KCNQ1: variants seen among roughly 807,000 people sequenced by gnomAD.
KCNQ1 encodes potassium voltage-gated channel subfamily Q member 1, also known as potassium voltage-gated channel subfamily KQT member 1.
Under a neutral mutation model 72.4 loss-of-function variants are expected in KCNQ1, and 49 were observed. The observed-to-expected ratio is 0.68, with a 90% CI of 0.54 to 0.86. The LOEUF (loss-of-function observed/expected upper bound fraction) is 0.86, where lower values mean the gene tolerates loss of function less well. KCNQ1 is among the 40% of genes least tolerant of loss of function. KCNQ1 has a pLI of 0.00. For synonymous variants in KCNQ1, 450 were observed against 412.6 expected, an observed-to-expected ratio of 1.09 and a Z score of -1.10; for missense variants, 790 against 945.1, an observed-to-expected ratio of 0.84 and a Z score of 2.15.
chr11:2,839,036 G>A (rs566521804), intron 15 of KCNQ1, among the ~76,000 whole-genome samples: 4 of 111,972 alleles, frequency 3.6e-5, no homozygotes, highest in Admixed American at 3.2e-4. Context: ...AGGTGGGCAG[G>A]TGGGCAGCTG....
At chr11:2,693,511 TTC>T (rs1850623035) in intron 11 of KCNQ1, 1 of 398,560 alleles carries the variant, frequency 2.5e-6, no homozygotes, top group African/African-American at 2.1e-5. Flanking sequence ...GATCCATTTC[TTC>T]TCCTGGCTGA....
At chr11:2,569,618 G>C (rs190537339) in intron 2 of KCNQ1, among the ~76,000 whole-genome samples, 1 of 152,168 alleles carries the variant, frequency 6.6e-6, no homozygotes, top group Non-Finnish European at 1.5e-5. Context: ...TCTCACACGT[G>C]GGGGCTGGTT....
chr11:2,573,078 C>T lies in KCNQ1; in HGVS notation c.921+92C>T. On this transcript the variant is annotated intron_variant, in intron 6 of 15. Coordinates refer to ENST00000155840, the MANE Select transcript of KCNQ1 (RefSeq NM_000218.3). ...GGCACTGGTGTCTTGAGACTTCGGG[C>T]CTTGGCAGGGGCTTCTCACCTGCAC... 2.0e-6 allele frequency: 3 copies of T among 1,469,076 alleles called. No individual in the cohort carries two copies. The Admixed American group carries it at 5.9e-5, about 29-fold the overall frequency. The allele number at this position is 1,469,076 out of a possible 1,614,324, so 91.0% of individuals were successfully genotyped here. A position where few individuals can be genotyped will look rare whatever the true frequency, so the allele number is the denominator to read the frequency against.
At chr11:2,531,896 C>A (rs1342409406) in intron 2 of KCNQ1, among the ~76,000 whole-genome samples, 1 of 152,222 alleles carries the variant, frequency 6.6e-6, no homozygotes, top group Non-Finnish European at 1.5e-5. Flanking sequence ...CAGAAGCTCC[C>A]TGTGACGTTT....
intron 2 of KCNQ1, among the ~76,000 whole-genome samples, chr11:2,556,086 T>C (rs1486392936): frequency 6.6e-6 from 1 of 152,108 alleles, no homozygotes; most frequent in East Asian, 1.9e-4. Flanking sequence ...GAGGGAGTGT[T>C]CCAGGCCTCC....
At chr11:2,774,967 G>A (rs1456678608) in intron 12 of KCNQ1, among the ~76,000 whole-genome samples, 1 of 152,034 alleles carries the variant, frequency 6.6e-6, no homozygotes, top group African/African-American at 2.4e-5. Flanking sequence ...CTCGTCTCTT[G>A]GGCCTTGCAA....
intron 10 of KCNQ1, chr11:2,655,025 C>T (rs1273045991): frequency 1.8e-5 from 7 of 398,476 alleles, no homozygotes; most frequent in South Asian, 1.3e-4. Context: ...TGAAAATCAC[C>T]CAAAGACAAA....
Position 2,764,671 on chromosome 11 carries a change from A to C in KCNQ1, c.1515-4173A>C, listed in dbSNP as rs1033056872. Among the ~76,000 whole-genome samples, 1 of 152,146 alleles carries C rather than the reference A, an allele frequency of 6.6e-6. No homozygotes were observed. Among genetic ancestry groups the C allele is most frequent in the East Asian group, 1.9e-4 (1 of 5,198 alleles). On this transcript the variant is annotated intron_variant, in intron 11 of 15. Transcript: ENST00000155840. This position sits in a 1 kb window ranked among gnomAD's most constrained non-coding sequence, Gnocchi z 4.8. ...TTGCCAGAAGATCATTAAAATTCCA[A>C]ATTTAACTTATTTAATTAATATTGG... is the stretch of plus-strand genomic sequence containing the variant.
At position 2,515,780 on chromosome 11, in the gene KCNQ1, G is replaced by A. The variant is rs569901411; in HGVS notation, c.387-12148G>A. Among the ~76,000 whole-genome samples the A allele has an allele frequency of 4.6e-5, 7 of 152,150 alleles. No individual in the cohort carries two copies. The highest frequency in any genetic ancestry group is 1.0e-4 in the Non-Finnish European group (7 of 67,984). On this transcript the variant is annotated intron_variant, in intron 1 of 15. Coordinates refer to ENST00000155840, the MANE Select transcript of KCNQ1 (RefSeq NM_000218.3). The surrounding 1 kb of genome is among the most constrained non-coding windows in gnomAD (Gnocchi z 4.7). ...CCAGGGAGCCAGGCTTGGTGTGGCC[G>A]GCCCTGGGAGCACAGAGCCCCGTTC...
intron 15 of KCNQ1, among the ~76,000 whole-genome samples, chr11:2,796,370 A>G (rs1245104670): frequency 6.6e-6 from 1 of 152,184 alleles, no homozygotes; most frequent in East Asian, 1.9e-4. Context: ...ACTGAGGAGC[A>G]TGGAGGACCC....
At chr11:2,571,108 C>T (rs1030637124) in intron 3 of KCNQ1, among the ~76,000 whole-genome samples, 5 of 152,316 alleles carry the variant, frequency 3.3e-5, no homozygotes, top group Non-Finnish European at 5.9e-5. Flanking sequence ...AGGGCCCAGC[C>T]TAGGCCGGGG....
rs1848929158 is a variant in KCNQ1 at position 2,608,951 on chromosome 11, A to G, written c.1393+20097A>G. The G allele has an allele frequency of 2.5e-6, 1 of 395,932 alleles. No individual in the cohort carries two copies. 24.5% of individuals were successfully genotyped at this position (395,932 alleles called of 1,614,324 possible). On this transcript the variant is annotated intron_variant, in intron 10 of 15. Coordinates refer to ENST00000155840, the MANE Select transcript of KCNQ1 (RefSeq NM_000218.3). This position sits in a 1 kb window ranked among gnomAD's most constrained non-coding sequence, Gnocchi z 4.6. ...TTCTCCCTCTCCCTCTCTCTTACCA[A>G]TCTATCAAAGGTTTGTTAATTTCAA... is the stretch of plus-strand genomic sequence containing the variant.
At chr11:2,568,928 A>C (rs986076780) in intron 2 of KCNQ1, among the ~76,000 whole-genome samples, 2 of 152,198 alleles carry the variant, frequency 1.3e-5, no homozygotes, top group African/African-American at 4.8e-5. Flanking sequence ...TCTGTCACCC[A>C]GGCTGGAGTA....
intron 1 of KCNQ1, among the ~76,000 whole-genome samples, chr11:2,527,639 G>A (rs1385670637): frequency 6.6e-6 from 1 of 152,230 alleles, no homozygotes; most frequent in Admixed American, 6.5e-5. Flanking sequence ...CACACTGCAG[G>A]TGGTCAGCAG....
rs1383824150 is a variant in KCNQ1 at position 2,485,000 on chromosome 11, T to C, written c.386+39516T>C. Among the ~76,000 whole-genome samples, 1 of 152,156 alleles carries C rather than the reference T, an allele frequency of 6.6e-6. No homozygotes were observed. Among genetic ancestry groups the C allele is most frequent in the East Asian group, 1.9e-4 (1 of 5,178 alleles). On this transcript the variant is annotated intron_variant, in intron 1 of 15. Transcript: ENST00000155840. The surrounding 1 kb of genome is among the most constrained non-coding windows in gnomAD (Gnocchi z 5.2). Reference sequence around the variant, plus strand: ...CCATACTTGCTGATGCGTGCCCCCATGAGAAGTGACTGACCACCCAGAGCC... The same window carrying C: ...CCATACTTGCTGATGCGTGCCCCCACGAGAAGTGACTGACCACCCAGAGCC...
intron 11 of KCNQ1, among the ~76,000 whole-genome samples, chr11:2,716,032 A>G (rs1041478059): frequency 6.6e-6 from 1 of 152,166 alleles, no homozygotes; most frequent in Non-Finnish European, 1.5e-5. Context: ...TTGACCTCTC[A>G]TGCACTGAGA....
Position 2,757,734 on chromosome 11 carries a change from C to T in KCNQ1, c.1515-11110C>T, listed in dbSNP as rs182141753. Among the ~76,000 whole-genome samples the T allele has an allele frequency of 7.6e-4, 115 of 152,256 alleles. No individual in the cohort carries two copies. In the Middle Eastern group the frequency reaches 0.01, roughly 14 times the overall value. On this transcript the variant is annotated intron_variant, in intron 11 of 15. Coordinates refer to ENST00000155840, the MANE Select transcript of KCNQ1 (RefSeq NM_000218.3). ...AAGCATGTAGCTCAACAGAACAGAA[C>T]GAGGAATCCAGAAATAGACACACGC...
At position 2,477,237 on chromosome 11, in the gene KCNQ1, A is replaced by C. The variant is rs1437510624; in HGVS notation, c.386+31753A>C. On this transcript the variant is annotated intron_variant, in intron 1 of 15. Coordinates refer to ENST00000155840, the MANE Select transcript of KCNQ1 (RefSeq NM_000218.3). This position sits in a 1 kb window ranked among gnomAD's most constrained non-coding sequence, Gnocchi z 5.0. ...TGCTTGGCAAAGTGTTCAAGGCAGGATGGAGATACCGTATGGGCATTCACT... is the reference window on the plus strand; with the variant it reads ...TGCTTGGCAAAGTGTTCAAGGCAGGCTGGAGATACCGTATGGGCATTCACT... Among the ~76,000 whole-genome samples the C allele has an allele frequency of 3.3e-5, 5 of 152,218 alleles. No individual in the cohort carries two copies. The highest frequency in any genetic ancestry group is 3.3e-4 in the Admixed American group (5 of 15,280).
chr11:2,698,945 A>C lies in KCNQ1; in HGVS notation c.1514+36864A>C. The stretch of plus-strand genomic sequence containing the variant: ...ACCCTAGACCCGAATTCTGATCCCA[A>C]CTAGGATACCTAACTCAGAACCACA... On this transcript the variant is annotated intron_variant, in intron 11 of 15. Transcript: ENST00000155840. The surrounding 1 kb of genome is among the most constrained non-coding windows in gnomAD (Gnocchi z 5.1). 2.5e-6 allele frequency: 1 copy of C among 398,588 alleles called. No individual in the cohort carries two copies. Among genetic ancestry groups the C allele is most frequent in the Non-Finnish European group, 4.4e-6 (1 of 226,064 alleles). 24.7% of individuals were successfully genotyped at this position (398,588 alleles called of 1,614,324 possible).
Sources: allele counts gnomAD v4.1 joint callset (sites outside exome capture counted in the v4.1 genomes callset), GRCh38; gene constraint gnomAD v4.1.1; non-coding constraint Gnocchi (gnomAD v3.1); transcripts MANE v1.5; gene names NCBI Gene and HGNC (gene_info 2026-07-23, HGNC 2026-07-21).